Variants in EPB41L4A observed in about 807,000 individuals in gnomAD.
The protein encoded by EPB41L4A is band 4.1-like protein 4A.
In EPB41L4A, 100 loss-of-function variants were observed where a neutral mutation model predicts 108.6. The ratio of observed to expected loss-of-function variants is 0.92; its 90% CI spans 0.78 to 1.09. The LOEUF (loss-of-function observed/expected upper bound fraction) is 1.09, where lower values mean the gene tolerates loss of function less well. Among genes scored for constraint, EPB41L4A ranks in the 50% least tolerant of loss-of-function variants. The pLI is 0.00. For synonymous variants in EPB41L4A, 319 were observed against 289.0 expected (o/e 1.10, Z -1.05); for missense variants, 1,030 against 842.7 (o/e 1.22, Z -2.75).
In EPB41L4A at chr5:112,297,515, G is replaced by A. The variant is rs1754074449; in HGVS notation, c.204+9871C>T. Among the ~76,000 whole-genome samples the A allele has an allele frequency of 2.6e-5, 4 of 152,060 alleles. No homozygotes were observed. The South Asian group carries it at 8.3e-4, about 32-fold the overall frequency. On this transcript the variant is annotated intron_variant, in intron 2 of 22. Transcript: ENST00000261486. Reference sequence around the variant, plus strand: ...TCTTTCTTATTTGTTTGAGTTCCTTGTAGATTCTGGATATTAGTCCCTTGT... The same window carrying A: ...TCTTTCTTATTTGTTTGAGTTCCTTATAGATTCTGGATATTAGTCCCTTGT...
chr5:112,412,110 C>A (rs1304893281), intron 1 of EPB41L4A, among the ~76,000 whole-genome samples: 1 of 152,232 alleles, frequency 6.6e-6, no homozygotes, highest in Non-Finnish European at 1.5e-5. Flanking sequence ...ACATGGTTCC[C>A]TCTGCAGTCT....
chr5:112,389,068 G>GA (rs551726849), intron 1 of EPB41L4A, among the ~76,000 whole-genome samples: 96 of 149,014 alleles, frequency 6.4e-4, no homozygotes, highest in East Asian at 2.3e-3. Flanking sequence ...GTTGGACGTG[G>GA]AAAAAAAAAA....
intron 1 of EPB41L4A, among the ~76,000 whole-genome samples, chr5:112,308,976 G>C (rs751443717): frequency 6.6e-6 from 1 of 152,172 alleles, no homozygotes; most frequent in Non-Finnish European, 1.5e-5. Flanking sequence ...GTGCTTACTA[G>C]TCAATTGCAT....
chr5:112,195,066 C>T (rs1761894365), intron 16 of EPB41L4A, among the ~76,000 whole-genome samples: 2 of 152,102 alleles, frequency 1.3e-5, no homozygotes, highest in African/African-American at 4.8e-5. Flanking sequence ...GGTCTTGTGA[C>T]TGATTTTACC....
intron 12 of EPB41L4A, among the ~76,000 whole-genome samples, chr5:112,225,054 T>C (rs566677487): frequency 6.6e-6 from 1 of 152,274 alleles, no homozygotes; most frequent in Non-Finnish European, 1.5e-5. Flanking sequence ...ATTATTATGT[T>C]ACTGTCTTTT....
At chr5:112,171,015 T>G (rs17266727) in intron 18 of EPB41L4A, 23 bp from the exon 19 acceptor site, 178,466 of 1,601,036 alleles carry the variant, frequency 0.11, 10,562 homozygotes, top group Middle Eastern at 0.13. Flanking sequence ...AAAACAACAT[T>G]CATCTCTGCA....
intron 1 of EPB41L4A, among the ~76,000 whole-genome samples, chr5:112,412,911 T>C (rs1762495568): frequency 6.6e-6 from 1 of 152,232 alleles, no homozygotes; most frequent in African/African-American, 2.4e-5. Flanking sequence ...ATATTTAATG[T>C]ATTTACACCA....
intron 1 of EPB41L4A, among the ~76,000 whole-genome samples, chr5:112,414,043 G>A (rs1762564145): frequency 1.3e-5 from 2 of 152,174 alleles, no homozygotes; most frequent in African/African-American, 4.8e-5. Context: ...TCATTTTACA[G>A]ATGGGGAAAC....
intron 1 of EPB41L4A, among the ~76,000 whole-genome samples, chr5:112,360,089 G>A (rs370803037): frequency 6.6e-6 from 1 of 152,178 alleles, no homozygotes; most frequent in African/African-American, 2.4e-5. Context: ...GCTCATGCCT[G>A]TAACCCCAGC....
chr5:112,356,474 T>C (rs1042844247), intron 1 of EPB41L4A, among the ~76,000 whole-genome samples: 4 of 152,214 alleles, frequency 2.6e-5, no homozygotes, highest in Admixed American at 6.5e-5. Flanking sequence ...TGAAGTACCT[T>C]TTCTAGAGCG....
rs762850623 is a variant in EPB41L4A, at chr5:112,165,012, G to C, written c.2039C>G (p.Ser680Cys). Residue 680 changes from serine to cysteine, a missense_variant, in exon 23 of 23, where the codon TCC (serine) becomes TGC (cysteine). Transcript: ENST00000261486. ...TAKTIKTIQA[S>C]RLKTET is the part of the protein sequence containing the mutation. Reference sequence around the variant, plus strand: ...GGATCAAGTCTCTGTCTTGAGGCGGGAAGCTTGTATAGTTTTTATTGTTTT... The same window carrying C: ...GGATCAAGTCTCTGTCTTGAGGCGGCAAGCTTGTATAGTTTTTATTGTTTT... 6.2e-7 allele frequency: 1 copy of C among 1,613,794 alleles called. No homozygotes were observed.
intron 6 of EPB41L4A, 144 bp from the exon 7 acceptor site, chr5:112,262,725 C>A: frequency 1.5e-6 from 1 of 681,382 alleles, no homozygotes; most frequent in Non-Finnish European, 2.4e-6. Flanking sequence ...TTCAAGAAGG[C>A]CTTTGCTTCT....
chr5:112,414,299 TAA>T (rs969780537), intron 1 of EPB41L4A, among the ~76,000 whole-genome samples: 3 of 152,132 alleles, frequency 2.0e-5, no homozygotes, highest in African/African-American at 7.2e-5. Flanking sequence ...AGAAGGCATC[TAA>T]AAGTTACCCC....
intron 22 of EPB41L4A, among the ~76,000 whole-genome samples, chr5:112,167,133 A>AAC (rs1288671627): frequency 2.0e-5 from 3 of 151,814 alleles, no homozygotes; most frequent in Non-Finnish European, 2.9e-5. Flanking sequence ...CAAAAAAAAA[A>AAC]AAAAAAACAC....
chr5:112,273,885 A>AC (rs1752436708), intron 4 of EPB41L4A, among the ~76,000 whole-genome samples: 1 of 152,084 alleles, frequency 6.6e-6, no homozygotes, highest in African/African-American at 2.4e-5. Context: ...ATGGCCCTTT[A>AC]CCCAGAAAGA....
At chr5:112,394,004 A>G (rs1467396003) in intron 1 of EPB41L4A, among the ~76,000 whole-genome samples, 1 of 152,218 alleles carries the variant, frequency 6.6e-6, no homozygotes, top group Non-Finnish European at 1.5e-5. Flanking sequence ...GATTATCTCA[A>G]CAGATGCAGA....
intron 12 of EPB41L4A, among the ~76,000 whole-genome samples, chr5:112,229,733 A>G (rs989620043): frequency 2.6e-5 from 4 of 152,212 alleles, no homozygotes; most frequent in Non-Finnish European, 5.9e-5. Context: ...TCACACCTGT[A>G]ATCCCAGCAC....
intron 17 of EPB41L4A, among the ~76,000 whole-genome samples, chr5:112,186,126 G>A (rs1470429023): frequency 1.3e-5 from 2 of 152,204 alleles, no homozygotes; most frequent in Non-Finnish European, 2.9e-5. Context: ...CTTTTAGGAT[G>A]CAGCTTTCAT....
chr5:112,382,384 T>C (rs979194216), intron 1 of EPB41L4A, among the ~76,000 whole-genome samples: 1 of 152,138 alleles, frequency 6.6e-6, no homozygotes, highest in Non-Finnish European at 1.5e-5. Context: ...TGACAGATGA[T>C]ATGACTATAC....
Sources: allele counts gnomAD v4.1 joint callset (sites outside exome capture counted in the v4.1 genomes callset), GRCh38; gene constraint gnomAD v4.1.1; transcripts MANE v1.5; gene names NCBI Gene and HGNC (gene_info 2026-07-23, HGNC 2026-07-21).